Variants in ASIC2 observed in about 807,000 individuals in gnomAD.
The protein encoded by ASIC2 is acid-sensing ion channel 2.
Under a neutral mutation model 57.3 loss-of-function variants are expected in ASIC2, and 25 were observed. The ratio of observed to expected loss-of-function variants is 0.44; its 90% CI spans 0.32 to 0.61. The LOEUF is 0.61. ASIC2 is among the 20% of genes least tolerant of loss of function. The pLI, the probability that ASIC2 is intolerant of heterozygous loss-of-function variation, is 0.06. For synonymous variants in ASIC2, 319 were observed against 307.5 expected (o/e 1.04, Z -0.39); for missense variants, 641 against 738.1 (o/e 0.87, Z 1.52).
At chr17:33,227,386 C>A (rs1453879738) in intron 1 of ASIC2, among the ~76,000 whole-genome samples, 4 of 152,142 alleles carry the variant, frequency 2.6e-5, no homozygotes, top group Non-Finnish European at 4.4e-5. Flanking sequence ...AGCTCCAGTA[C>A]CTATGTTTCT....
intron 1 of ASIC2, among the ~76,000 whole-genome samples, chr17:33,854,111 CCA>C (rs1188341841): frequency 1.3e-5 from 2 of 152,150 alleles, no homozygotes. Context: ...ATTGTCCGCC[CCA>C]GTAAACGTCT....
At chr17:33,165,918 CAT>C (rs1905292704) in intron 1 of ASIC2, among the ~76,000 whole-genome samples, 1 of 152,216 alleles carries the variant, frequency 6.6e-6, no homozygotes, top group Admixed American at 6.5e-5. Context: ...GACCAATTGA[CAT>C]ATTCCAAGCA....
rs543087042 is a variant in ASIC2, at chr17:33,262,160, C to T, written c.708+29248G>A. Among the ~76,000 whole-genome samples, 16 of 152,344 alleles carry T rather than the reference C, an allele frequency of 1.1e-4. No individual in the cohort carries two copies. In the South Asian group the frequency reaches 3.1e-3, roughly 30 times the overall value. ...GCCCTCCCAGTGCTGCTTCAAAAGA[C>T]TGCCCGGATGACCACCTGTCCCTGG... On this transcript the variant is annotated intron_variant, in intron 1 of 9. Coordinates refer to ENST00000225823, the MANE Select transcript of ASIC2 (RefSeq NM_183377.2).
At chr17:34,149,789 G>A (rs188801353) in intron 1 of ASIC2, among the ~76,000 whole-genome samples, 1 of 152,344 alleles carries the variant, frequency 6.6e-6, no homozygotes, top group East Asian at 1.9e-4. Flanking sequence ...ACTGTGGGTG[G>A]GAATGGAAAT....
At chr17:33,469,553 C>G (rs958808530) in intron 1 of ASIC2, among the ~76,000 whole-genome samples, 1 of 152,130 alleles carries the variant, frequency 6.6e-6, no homozygotes, top group Non-Finnish European at 1.5e-5. Context: ...ATGAGTAATC[C>G]TTGCATGGAC....
At chr17:33,957,042 T>G (rs755745987) in intron 1 of ASIC2, among the ~76,000 whole-genome samples, 5 of 152,318 alleles carry the variant, frequency 3.3e-5, no homozygotes, top group Non-Finnish European at 5.9e-5. Context: ...TTATTGTCCC[T>G]TCTCTCTGCT....
chr17:34,039,287 T>C, intron 1 of ASIC2: 2 of 1,613,990 alleles, frequency 1.2e-6, no homozygotes, highest in Non-Finnish European at 1.7e-6. Context: ...TTTTGGGAGC[T>C]GCAGGAATGC....
chr17:33,441,319 A>G (rs986457143), intron 1 of ASIC2, among the ~76,000 whole-genome samples: 1 of 152,160 alleles, frequency 6.6e-6, no homozygotes, highest in African/African-American at 2.4e-5. Context: ...GGTTTATATG[A>G]AGTCCAATTT....
intron 1 of ASIC2, among the ~76,000 whole-genome samples, chr17:33,178,899 C>A (rs891442288): frequency 5.3e-5 from 8 of 152,220 alleles, no homozygotes; most frequent in African/African-American, 1.9e-4. Context: ...CCAGGGTTGG[C>A]ACAGCCAAAG....
rs546567585 is a variant in ASIC2 at position 33,956,739 on chromosome 17, T to A, written c.555+199239A>T. The stretch of plus-strand genomic sequence containing the variant: ...GCCCCTACCCCAGAATGCAAGCCCA[T>A]GAACAAGTCCAGTTCTGTGGGTCTG... On this transcript the variant is annotated intron_variant, in intron 1 of 9. Transcript: ENST00000359872. Among the ~76,000 whole-genome samples, 7 of 152,324 alleles carry A rather than the reference T, an allele frequency of 4.6e-5. No homozygotes were observed. The South Asian group carries it at 1.4e-3, about 32-fold the overall frequency.
intron 1 of ASIC2, among the ~76,000 whole-genome samples, chr17:33,339,088 G>T (rs530824257): frequency 4.0e-5 from 6 of 151,882 alleles, no homozygotes; most frequent in Non-Finnish European, 8.8e-5. Flanking sequence ...TTTTTACCAC[G>T]ATAAAAATTA....
At position 33,291,648 on chromosome 17, in the gene ASIC2, G is replaced by A; in HGVS notation, c.468C>T (p.His156=). The change falls in exon 1 of 10, where the codon CAC becomes CAT. Residue 156 remains histidine (H), a synonymous_variant. Coordinates refer to ENST00000225823, the MANE Select transcript of ASIC2 (RefSeq NM_183377.2). ...GGTTGGGCAGCAGCAGCCCGAGCCAGTGGCCGGCATAGTAGAGGTCCCCCT... is the reference window on the plus strand; with the variant it reads ...GGTTGGGCAGCAGCAGCCCGAGCCAATGGCCGGCATAGTAGAGGTCCCCCT... The part of the protein sequence containing the change: ...LSKGDLYYAG[H]WLGLLLPNRT... 1 of 1,611,394 alleles carries A rather than the reference G, an allele frequency of 6.2e-7. No individual in the cohort carries two copies. The highest frequency in any genetic ancestry group is 8.5e-7 in the Non-Finnish European group (1 of 1,178,814).
intron 1 of ASIC2, among the ~76,000 whole-genome samples, chr17:33,886,417 C>G (rs1235747625): frequency 6.6e-6 from 1 of 152,056 alleles, no homozygotes; most frequent in Non-Finnish European, 1.5e-5. Flanking sequence ...GAAACTGGCT[C>G]CATTTACAAG....
At chr17:33,125,181 TCA>T (rs1287141973) in intron 1 of ASIC2, among the ~76,000 whole-genome samples, 2 of 152,266 alleles carry the variant, frequency 1.3e-5, no homozygotes, top group East Asian at 3.9e-4. Context: ...AATATGAGGG[TCA>T]CAACTTGAGG....
At chr17:33,175,488 A>G (rs2076989724) in intron 1 of ASIC2, among the ~76,000 whole-genome samples, 1 of 150,772 alleles carries the variant, frequency 6.6e-6, no homozygotes, top group South Asian at 2.1e-4. Flanking sequence ...GTGTAGGACT[A>G]GAGAGAAAAA....
chr17:33,199,643 T>C (rs1056567120), intron 1 of ASIC2, among the ~76,000 whole-genome samples: 5 of 152,224 alleles, frequency 3.3e-5, no homozygotes, highest in African/African-American at 1.2e-4. Context: ...AGCTTGAACA[T>C]GGCCCTGCTC....
intron 1 of ASIC2, among the ~76,000 whole-genome samples, chr17:33,394,380 A>G (rs1387731622): frequency 6.6e-6 from 1 of 152,214 alleles, no homozygotes. Flanking sequence ...GGTGCTTTCA[A>G]CAAATGCTGA....
chr17:33,846,693 A>C (rs71379419), intron 1 of ASIC2, among the ~76,000 whole-genome samples: 3,826 of 151,918 alleles, frequency 0.025, 180 homozygotes, highest in African/African-American at 0.088. Context: ...TTCACAGCTT[A>C]TACCTGTGAG....
At chr17:33,863,667 G>A (rs574280017) in intron 1 of ASIC2, among the ~76,000 whole-genome samples, 82 of 152,284 alleles carry the variant, frequency 5.4e-4, no homozygotes, top group African/African-American at 1.8e-3. Flanking sequence ...CTATAGTCAG[G>A]AACTTATTTC....
Sources: gnomAD v4.1 joint callset for allele counts (sites outside exome capture counted in the v4.1 genomes callset) on GRCh38, gnomAD v4.1.1 for gene constraint, MANE v1.5 for transcripts, NCBI Gene and HGNC (gene_info 2026-07-23, HGNC 2026-07-21) for gene names.